Variants in CCDC150 observed in about 807,000 individuals in gnomAD.
CCDC150 encodes coiled-coil domain containing 150.
CCDC150 carries 151 observed loss-of-function variants against 156.5 expected under a neutral mutation model. The ratio of observed to expected loss-of-function variants is 0.97; its 90% CI spans 0.85 to 1.10. The LOEUF is 1.10. Among genes scored for constraint, CCDC150 ranks in the 50% least tolerant of loss-of-function variants. The pLI is 0.00. For missense variants in CCDC150, 1,312 were observed against 1,268.1 expected, an observed-to-expected ratio of 1.03 and a Z score of -0.53; for synonymous variants, 452 against 429.4, an observed-to-expected ratio of 1.05 and a Z score of -0.65.
At chr2:196,665,954 A>G (rs1049321889) in intron 6 of CCDC150, among the ~76,000 whole-genome samples, 2 of 152,090 alleles carry the variant, frequency 1.3e-5, no homozygotes, top group African/African-American at 2.4e-5. Context: ...ATAGAGGTGA[A>G]CTCTTAGCTC....
chr2:196,646,249 A>G lies in CCDC150; in HGVS notation c.13-92A>G, dbSNP rs551479554. On this transcript the variant is annotated intron_variant, in intron 1 of 27. Coordinates refer to ENST00000389175, the MANE Select transcript of CCDC150 (RefSeq NM_001080539.2). ...CATCACCATTCCTGAGTTCAACAGG[A>G]CAGTGATGCCTAATCCTGGCACAGG... The G allele has an allele frequency of 2.2e-4, 259 of 1,185,630 alleles. 3 individuals are homozygous for G. The South Asian group carries it at 3.4e-3, about 16-fold the overall frequency. The allele number at this position is 1,185,630 out of a possible 1,614,324, so 73.4% of individuals were successfully genotyped here.
chr2:196,691,872 C>T (rs1283965094), intron 13 of CCDC150, among the ~76,000 whole-genome samples: 2 of 151,964 alleles, frequency 1.3e-5, no homozygotes, highest in African/African-American at 4.8e-5. Context: ...ACCTGGGAGT[C>T]GGAGGTTGTA....
In CCDC150 at chr2:196,718,546, C is replaced by A; in HGVS notation, c.1910C>A (p.Thr637Lys). Reference protein sequence around the residue: ...LERSKEELSRTVKCRNAALKE... With the variant: ...LERSKEELSRKVKCRNAALKE... ...AGAAGTAAAGAGGAGCTGTCCCGAACAGTGAAGTGTCGTAATGCGGCCCTG... is the reference window on the plus strand; with the variant it reads ...AGAAGTAAAGAGGAGCTGTCCCGAAAAGTGAAGTGTCGTAATGCGGCCCTG... Residue 637 changes from threonine to lysine, a missense_variant, in exon 18 of 28, where the codon ACA becomes AAA. By Grantham distance (78) the Thr-to-Lys change is moderately conservative. Transcript: ENST00000389175. The A allele has an allele frequency of 6.2e-7, 1 of 1,613,512 alleles. No individual in the cohort carries two copies. The highest frequency in any genetic ancestry group is 8.5e-7 in the Non-Finnish European group (1 of 1,179,672).
intron 13 of CCDC150, among the ~76,000 whole-genome samples, chr2:196,694,760 G>A (rs953942215): frequency 2.6e-5 from 4 of 152,172 alleles, no homozygotes; most frequent in African/African-American, 9.7e-5. Flanking sequence ...TACTCAGGAG[G>A]CTGAGGCAGG....
intron 15 of CCDC150, among the ~76,000 whole-genome samples, chr2:196,706,772 C>T (rs528989092): frequency 1.3e-5 from 2 of 151,256 alleles, no homozygotes; most frequent in East Asian, 1.9e-4. Context: ...TTGAGATAAT[C>T]GTGGTTTTTT....
Position 196,692,151 on chromosome 2 carries a change from G to A in CCDC150, c.1510-2895G>A, listed in dbSNP as rs1325169118. Reference sequence around the variant, plus strand: ...TTTTTTTTTTTTTTTTTTTTGAGACGGAGTCTCGCTCTGTCGCCCAGGCCG... The same window carrying A: ...TTTTTTTTTTTTTTTTTTTTGAGACAGAGTCTCGCTCTGTCGCCCAGGCCG... On this transcript the variant is annotated intron_variant, in intron 13 of 27. Coordinates refer to ENST00000389175, the MANE Select transcript of CCDC150 (RefSeq NM_001080539.2). Among the ~76,000 whole-genome samples, 9 of 137,844 alleles carry A rather than the reference G, an allele frequency of 6.5e-5. No homozygotes were observed. The South Asian group carries it at 1.2e-3, about 18-fold the overall frequency. The allele number at this position is 137,844 out of a possible 152,430, so 90.4% of individuals were successfully genotyped here.
intron 7 of CCDC150, among the ~76,000 whole-genome samples, chr2:196,668,212 G>A (rs1041837732): frequency 2.0e-4 from 30 of 148,880 alleles, no homozygotes; most frequent in African/African-American, 6.0e-4. Context: ...ACAGAGAATC[G>A]CTTGAACCCA....
At chr2:196,719,108 C>T (rs1293074349) in intron 18 of CCDC150, among the ~76,000 whole-genome samples, 5 of 152,172 alleles carry the variant, frequency 3.3e-5, no homozygotes, top group Non-Finnish European at 7.3e-5. Context: ...CTTTCTCTTA[C>T]AGTCTTTTTT....
chr2:196,647,927 C>G (rs796388994), intron 2 of CCDC150, among the ~76,000 whole-genome samples: 59 of 152,256 alleles, frequency 3.9e-4, no homozygotes, highest in African/African-American at 1.4e-3. Flanking sequence ...CACCTTTACC[C>G]AGCCTTTGTT....
intron 9 of CCDC150, among the ~76,000 whole-genome samples, 162 bp from the exon 10 acceptor site, chr2:196,674,079 G>A (rs1003049566): frequency 6.6e-6 from 1 of 152,026 alleles, no homozygotes; most frequent in Non-Finnish European, 1.5e-5. Flanking sequence ...TTTAATATTT[G>A]GAAGTATTTT....
chr2:196,691,059 T>C (rs1222711920), intron 13 of CCDC150, among the ~76,000 whole-genome samples: 2 of 109,890 alleles, frequency 1.8e-5, no homozygotes, highest in Non-Finnish European at 3.9e-5. Flanking sequence ...GTAGCCTACT[T>C]GATCATGGCA....
At chr2:196,687,938 A>G (rs1695213140) in intron 13 of CCDC150, among the ~76,000 whole-genome samples, 1 of 152,026 alleles carries the variant, frequency 6.6e-6, no homozygotes, top group Non-Finnish European at 1.5e-5. Context: ...TGGGTTCTCT[A>G]TTCTGTTCCA....
At chr2:196,732,312 TC>T (rs1263639876) in intron 27 of CCDC150, 133 bp from the exon 28 acceptor site, 55 of 1,159,198 alleles carry the variant, frequency 4.7e-5, no homozygotes, top group Admixed American at 3.4e-4. Context: ...TTTACAAAGT[TC>T]CACCTGTCAC....
chr2:196,682,891 T>G (rs1245908968), intron 13 of CCDC150, among the ~76,000 whole-genome samples: 2 of 152,060 alleles, frequency 1.3e-5, no homozygotes, highest in African/African-American at 4.8e-5. Context: ...TTATTTTTTG[T>G]AGAGATGGAG....
chr2:196,665,536 G>T, intron 5 of CCDC150, 31 bp from the exon 6 acceptor site: 1 of 1,308,228 alleles, frequency 7.6e-7, no homozygotes, highest in Non-Finnish European at 1.1e-6. Flanking sequence ...ATGATCAATT[G>T]GTCTTGCCTA....
chr2:196,721,614 T>C lies in CCDC150; in HGVS notation c.2352T>C (p.His784=), dbSNP rs764787089. The change falls in exon 21 of 28, where the codon CAT becomes CAC. Residue 784 remains histidine (H), a synonymous_variant. Transcript: ENST00000389175. ...AACAAGCTCTCCAGACAAATAATCA[T>C]CTGCAAACAAAGCTAGATCACATTC... is the stretch of plus-strand genomic sequence containing the variant. The part of the protein sequence containing the change: ...SLEQALQTNN[H]LQTKLDHIQE... The C allele has an allele frequency of 5.6e-6, 9 of 1,607,464 alleles. No homozygotes were observed. Among genetic ancestry groups the C allele is most frequent in the South Asian group, 1.1e-5 (1 of 89,196 alleles).
intron 3 of CCDC150, 27 bp downstream of exon 3, chr2:196,656,880 G>A (rs1318463202): frequency 1.9e-6 from 3 of 1,611,994 alleles, no homozygotes; most frequent in Admixed American, 1.7e-5. Context: ...CATCAGAAAT[G>A]TGGTCCTGTA....
Position 196,729,819 on chromosome 2 carries a change from G to T in CCDC150, c.2778G>T (p.Met926Ile). Residue 926 changes from methionine (M) to isoleucine (I), a missense_variant, in exon 24 of 28, where the codon ATG (methionine) becomes ATT (isoleucine). Met to Ile is a conservative substitution (Grantham distance 10). Coordinates refer to ENST00000389175, the MANE Select transcript of CCDC150 (RefSeq NM_001080539.2). ...MKQIEKELKQ[M>I]ELIKDQYQKK... is the part of the protein sequence containing the mutation. ...AAATAGAAAAAGAATTGAAGCAAATGGAGCTAATTAAGGATCAATATCAGA... is the reference window on the plus strand; with the variant it reads ...AAATAGAAAAAGAATTGAAGCAAATTGAGCTAATTAAGGATCAATATCAGA... 6.3e-7 allele frequency: 1 copy of T among 1,588,146 alleles called. No homozygotes were observed. The highest frequency in any genetic ancestry group is 8.6e-7 in the Non-Finnish European group (1 of 1,160,920).
At chr2:196,667,514 A>G (rs1013065604) in intron 7 of CCDC150, 1 of 153,164 alleles carries the variant, frequency 6.5e-6, no homozygotes, top group Non-Finnish European at 1.5e-5. Flanking sequence ...GACAGAGGTC[A>G]CAGAGTTACA....
Sources: gnomAD v4.1 joint callset for allele counts (sites outside exome capture counted in the v4.1 genomes callset) on GRCh38, gnomAD v4.1.1 for gene constraint, MANE v1.5 for transcripts, NCBI Gene and HGNC (gene_info 2026-07-23, HGNC 2026-07-21) for gene names.